The following KCNAB1 variants were observed in gnomAD, a reference collection of about 807,000 sequenced individuals.
KCNAB1 encodes the protein voltage-gated potassium channel subunit beta-1.
A neutral mutation model predicts 64.6 loss-of-function variants in KCNAB1; 35 were observed. That is an observed-to-expected ratio of 0.54 (90% CI 0.41 to 0.72). The LOEUF (loss-of-function observed/expected upper bound fraction) is 0.72. KCNAB1 is among the 30% of genes least tolerant of loss of function. The pLI is 0.00. For missense variants in KCNAB1, 401 were observed against 512.9 expected (o/e 0.78, Z 2.11); for synonymous variants, 177 against 183.8 (o/e 0.96, Z 0.30).
chr3:156,509,173 A>G (rs1717019772), intron 8 of KCNAB1, among the ~76,000 whole-genome samples: 1 of 152,226 alleles, frequency 6.6e-6, no homozygotes, highest in Non-Finnish European at 1.5e-5. Context: ...AGATTATAGC[A>G]TGAAGCACTT....
chr3:156,524,746 CAAAAAAAAAA>C (rs10553136), intron 12 of KCNAB1, among the ~76,000 whole-genome samples: 22 of 74,438 alleles, frequency 3.0e-4, no homozygotes, highest in African/African-American at 1.1e-3. Flanking sequence ...GACTCCATCT[CAAAAAAAAAA>C]AAAAAAAAAA....
At chr3:156,532,744 G>A (rs1443167996) in intron 13 of KCNAB1, among the ~76,000 whole-genome samples, 1 of 152,164 alleles carries the variant, frequency 6.6e-6, no homozygotes, top group Non-Finnish European at 1.5e-5. Context: ...ATTCTGTGAG[G>A]TTCCCTGTAG....
intron 1 of KCNAB1, chr3:156,291,401 A>G (rs765772119): frequency 2.2e-4 from 219 of 996,408 alleles, no homozygotes; most frequent in Non-Finnish European, 2.5e-4. Flanking sequence ...TCCGCGCGCC[A>G]GTTGAGCATC....
Position 156,465,930 on chromosome 3 carries a change from T to G in KCNAB1, c.571+244T>G, listed in dbSNP as rs1185466868. Among the ~76,000 whole-genome samples, 74 of 152,170 alleles carry G rather than the reference T, an allele frequency of 4.9e-4. 2 individuals carry two copies. The highest frequency in any genetic ancestry group is 4.8e-3 in the Admixed American group (74 of 15,266). ...TCTCATTTTCAGCTATTACTAATAT[T>G]AATAAAACATTCTCATAAGACTTTT... On this transcript the variant is annotated intron_variant, in intron 7 of 13. Coordinates refer to ENST00000490337, the MANE Select transcript of KCNAB1 (RefSeq NM_172160.3).
At chr3:156,291,982 G>C in intron 1 of KCNAB1, 1 of 1,614,118 alleles carries the variant, frequency 6.2e-7, no homozygotes, top group East Asian at 2.2e-5. Flanking sequence ...TGAGCAAGCA[G>C]AGCTCCACCG....
rs545853992 is a variant in KCNAB1 at position 156,415,263 on chromosome 3, A to T, written c.276-6353A>T. ...TTCCTAAGAAATAAGAAAGGCAGAAAGCAACTAACACTAATTGAACACTGA... is the reference window on the plus strand; with the variant it reads ...TTCCTAAGAAATAAGAAAGGCAGAATGCAACTAACACTAATTGAACACTGA... On this transcript the variant is annotated intron_variant, in intron 1 of 13. Coordinates refer to ENST00000490337, the MANE Select transcript of KCNAB1 (RefSeq NM_172160.3). Among the ~76,000 whole-genome samples the T allele has an allele frequency of 3.9e-5, 6 of 152,348 alleles. No individual in the cohort carries two copies. In the South Asian group the frequency reaches 1.0e-3, roughly 26 times the overall value.
intron 1 of KCNAB1, among the ~76,000 whole-genome samples, chr3:156,173,562 C>T (rs979728720): frequency 2.0e-5 from 3 of 152,210 alleles, no homozygotes. Flanking sequence ...CAGTGGGAGT[C>T]TCAGTCAAGC....
At chr3:156,180,916 A>G (rs1474601288) in intron 1 of KCNAB1, among the ~76,000 whole-genome samples, 1 of 152,204 alleles carries the variant, frequency 6.6e-6, no homozygotes, top group Admixed American at 6.5e-5. Flanking sequence ...ACTGAGGAAC[A>G]GAAATTTATT....
intron 1 of KCNAB1, among the ~76,000 whole-genome samples, chr3:156,242,894 T>A (rs1717241382): frequency 6.6e-6 from 1 of 151,622 alleles, no homozygotes; most frequent in Middle Eastern, 3.2e-3. Context: ...TGCTTATTTA[T>A]TATTTATTTT....
intron 1 of KCNAB1, among the ~76,000 whole-genome samples, chr3:156,260,416 G>A (rs1361787694): frequency 6.6e-6 from 1 of 152,064 alleles, no homozygotes; most frequent in Non-Finnish European, 1.5e-5. Flanking sequence ...ATTCCTGTTT[G>A]CAGTTAATCC....
At chr3:156,425,660 T>A (rs1715765768) in intron 2 of KCNAB1, among the ~76,000 whole-genome samples, 1 of 152,238 alleles carries the variant, frequency 6.6e-6, no homozygotes, top group South Asian at 2.1e-4. Flanking sequence ...CATTCATTTA[T>A]TCATCTTAAG....
intron 8 of KCNAB1, among the ~76,000 whole-genome samples, chr3:156,487,990 C>T (rs978733844): frequency 6.6e-6 from 1 of 152,040 alleles, no homozygotes; most frequent in African/African-American, 2.4e-5. Context: ...TGTTGCAAGA[C>T]CCTGTCTCAA....
chr3:156,264,359 T>C (rs939623223), intron 1 of KCNAB1, among the ~76,000 whole-genome samples: 1 of 152,124 alleles, frequency 6.6e-6, no homozygotes, highest in Non-Finnish European at 1.5e-5. Context: ...TGTCTTTTCA[T>C]TTAGACTATG....
chr3:156,474,889 G>T, intron 8 of KCNAB1, 69 bp downstream of exon 8: 1 of 1,157,196 alleles, frequency 8.6e-7, no homozygotes, highest in Non-Finnish European at 1.3e-6. Flanking sequence ...TCTGCTCACA[G>T]CAGGAAATGA....
At chr3:156,373,333 G>A (rs1025552296) in intron 1 of KCNAB1, among the ~76,000 whole-genome samples, 5 of 152,202 alleles carry the variant, frequency 3.3e-5, no homozygotes, top group African/African-American at 4.8e-5. Flanking sequence ...ATGAAATCTA[G>A]ACAGATTTAA....
At chr3:156,450,713 A>G (rs770406234) in intron 2 of KCNAB1, among the ~76,000 whole-genome samples, 4 of 152,200 alleles carry the variant, frequency 2.6e-5, no homozygotes, top group Non-Finnish European at 5.9e-5. Context: ...CTCATTCAAA[A>G]ACAAATGCTG....
At chr3:156,270,140 T>C (rs1718942973) in intron 1 of KCNAB1, among the ~76,000 whole-genome samples, 1 of 152,218 alleles carries the variant, frequency 6.6e-6, no homozygotes, top group Non-Finnish European at 1.5e-5. Context: ...ATGGTCTCGA[T>C]CTCCTGACCT....
intron 8 of KCNAB1, among the ~76,000 whole-genome samples, chr3:156,513,646 C>A (rs1193783922): frequency 6.6e-6 from 1 of 152,178 alleles, no homozygotes; most frequent in Admixed American, 6.5e-5. Context: ...GGAAGGGATT[C>A]ATTTTCCTGT....
chr3:156,355,981 G>A (rs1269987675), intron 1 of KCNAB1, among the ~76,000 whole-genome samples: 2 of 151,904 alleles, frequency 1.3e-5, no homozygotes, highest in African/African-American at 4.8e-5. Context: ...AATTAGCCAG[G>A]CATGGTGGTG....
Sources: allele counts gnomAD v4.1 joint callset (sites outside exome capture counted in the v4.1 genomes callset), GRCh38; gene constraint gnomAD v4.1.1; transcripts MANE v1.5; gene names NCBI Gene and HGNC (gene_info 2026-07-23, HGNC 2026-07-21).